Variants in PDE10A observed in about 807,000 individuals in gnomAD.
The protein encoded by PDE10A is cAMP and cAMP-inhibited cGMP 3',5'-cyclic phosphodiesterase 10A.
In PDE10A, 39 loss-of-function variants were observed where a neutral mutation model predicts 97.7. That is an observed-to-expected ratio of 0.40 (90% CI 0.31 to 0.52). The LOEUF (loss-of-function observed/expected upper bound fraction) is 0.52. PDE10A is among the 20% of genes least tolerant of loss of function. The pLI is 0.56. For synonymous variants in PDE10A, 371 were observed against 376.8 expected (o/e 0.98, Z 0.18); for missense variants, 731 against 1,047.8 (o/e 0.70, Z 4.17).
At chr6:165,398,466 C>T (rs1211309562) in intron 13 of PDE10A, among the ~76,000 whole-genome samples, 2 of 139,934 alleles carry the variant, frequency 1.4e-5, no homozygotes, top group Non-Finnish European at 3.0e-5. Flanking sequence ...TCAGCCTGGG[C>T]GATAGAGCAA....
At chr6:165,956,164 T>C (rs996714266) in intron 1 of PDE10A, among the ~76,000 whole-genome samples, 16 of 152,256 alleles carry the variant, frequency 1.1e-4, no homozygotes, top group African/African-American at 3.9e-4. Flanking sequence ...TAGTAGCATC[T>C]TATTTTCAGC....
At chr6:165,501,293 G>T (rs1197943349) in intron 2 of PDE10A, among the ~76,000 whole-genome samples, 2 of 152,196 alleles carry the variant, frequency 1.3e-5, no homozygotes, top group African/African-American at 4.8e-5. Context: ...CAGGCGCAGT[G>T]GCTCACGCCT....
At position 165,621,756 on chromosome 6, in the gene PDE10A, T is replaced by TA. The variant is rs200573248; in HGVS notation, c.865+40190dup. On this transcript the variant is annotated intron_variant, in intron 1 of 21. Transcript: ENST00000539869. The stretch of plus-strand genomic sequence containing the variant: ...TGGGTGACAGAGTGAGACTCTTATC[T>TA]AAAAAAGAAAAAAAAAAGAAGAAGA... 6.0e-3 allele frequency among the ~76,000 whole-genome samples: 685 copies of TA among 114,066 alleles called. 9 individuals carry two copies. Among genetic ancestry groups the TA allele is most frequent in the African/African-American group, 0.026 (658 of 25,474 alleles). The allele number at this position is 114,066 out of a possible 152,430, so 74.8% of individuals were successfully genotyped here. A position where few individuals can be genotyped will look rare whatever the true frequency, so the allele number is the denominator to read the frequency against.
intron 1 of PDE10A, among the ~76,000 whole-genome samples, chr6:165,685,076 T>C (rs1241950722): frequency 6.6e-6 from 1 of 152,200 alleles, no homozygotes; most frequent in Non-Finnish European, 1.5e-5. Context: ...AAAATCGCTA[T>C]GTGATATAAA....
intron 2 of PDE10A, among the ~76,000 whole-genome samples, chr6:165,520,781 A>C (rs572831003): frequency 6.6e-6 from 1 of 152,132 alleles, no homozygotes; most frequent in East Asian, 1.9e-4. Context: ...AATATGACAC[A>C]CCCTTTGTAC....
chr6:165,403,033 A>G (rs1406633495), intron 13 of PDE10A, among the ~76,000 whole-genome samples: 2 of 152,294 alleles, frequency 1.3e-5, no homozygotes, highest in Non-Finnish European at 2.9e-5. Flanking sequence ...AATTGTATAC[A>G]TTTAGGCAAA....
intron 1 of PDE10A, among the ~76,000 whole-genome samples, chr6:165,869,999 G>A (rs1781156564): frequency 6.6e-6 from 1 of 152,086 alleles, no homozygotes; most frequent in African/African-American, 2.4e-5. Flanking sequence ...ACTGCTGGAA[G>A]AAAACATAGA....
intron 1 of PDE10A, among the ~76,000 whole-genome samples, chr6:165,861,785 G>A (rs528574299): frequency 6.6e-6 from 1 of 152,164 alleles, no homozygotes; most frequent in Non-Finnish European, 1.5e-5. Flanking sequence ...GAGGTGACAA[G>A]GATGTGCCAC....
chr6:165,486,251 C>G (rs974871604), intron 2 of PDE10A, among the ~76,000 whole-genome samples: 1 of 152,118 alleles, frequency 6.6e-6, no homozygotes, highest in Non-Finnish European at 1.5e-5. Context: ...TTGTTGCCAA[C>G]GAACACCACA....
intron 1 of PDE10A, among the ~76,000 whole-genome samples, chr6:165,613,521 C>A (rs1053202629): frequency 1.4e-4 from 22 of 152,044 alleles, no homozygotes; most frequent in African/African-American, 5.3e-4. Flanking sequence ...CACCTATAGT[C>A]CCAGCTATTC....
intron 1 of PDE10A, among the ~76,000 whole-genome samples, chr6:165,678,285 C>T (rs940872183): frequency 2.7e-5 from 4 of 147,906 alleles, no homozygotes; most frequent in Non-Finnish European, 6.0e-5. Context: ...GTGTGTGTCT[C>T]TGTGTGTGTG....
intron 1 of PDE10A, among the ~76,000 whole-genome samples, chr6:165,562,181 A>G (rs911047003): frequency 6.6e-6 from 1 of 152,200 alleles, no homozygotes; most frequent in Admixed American, 6.5e-5. Context: ...ATATCTATGT[A>G]TTATTTTAAT....
intron 1 of PDE10A, among the ~76,000 whole-genome samples, chr6:165,625,105 GC>G (rs1788321137): frequency 6.8e-6 from 1 of 146,136 alleles, no homozygotes; most frequent in Non-Finnish European, 1.5e-5. Context: ...CGGCCGAGTG[GC>G]AGAGGAAGCC....
intron 10 of PDE10A, among the ~76,000 whole-genome samples, chr6:165,427,260 T>A (rs1043495641): frequency 7.9e-5 from 12 of 152,252 alleles, no homozygotes; most frequent in African/African-American, 2.2e-4. Flanking sequence ...GGTACGTATA[T>A]CCACAAAATG....
At chr6:165,796,214 G>C (rs1002411770) in intron 1 of PDE10A, among the ~76,000 whole-genome samples, 1 of 146,778 alleles carries the variant, frequency 6.8e-6, no homozygotes, top group African/African-American at 2.5e-5. Context: ...TCCTGCCTCA[G>C]CCTCCCAAGT....
chr6:165,472,218 T>A (rs1779055802), intron 3 of PDE10A, among the ~76,000 whole-genome samples: 1 of 152,150 alleles, frequency 6.6e-6, no homozygotes, highest in Non-Finnish European at 1.5e-5. Flanking sequence ...TTTGATAATT[T>A]GTAATTTCCT....
intron 3 of PDE10A, among the ~76,000 whole-genome samples, chr6:165,452,221 T>C (rs1328759587): frequency 6.6e-6 from 1 of 152,210 alleles, no homozygotes; most frequent in African/African-American, 2.4e-5. Flanking sequence ...GATGGGATAT[T>C]GATGTGGTAG....
intron 1 of PDE10A, among the ~76,000 whole-genome samples, chr6:165,654,789 G>A (rs527944387): frequency 1.3e-5 from 2 of 152,216 alleles, no homozygotes; most frequent in South Asian, 2.1e-4. Context: ...GGCCACGGAC[G>A]ACCTCCTGGC....
intron 3 of PDE10A, among the ~76,000 whole-genome samples, chr6:165,460,247 A>G (rs1778241211): frequency 6.6e-6 from 1 of 152,236 alleles, no homozygotes; most frequent in Admixed American, 6.5e-5. Context: ...ACTTTTAGGA[A>G]AGTCTAGTTT....
Sources: allele counts gnomAD v4.1 joint callset (sites outside exome capture counted in the v4.1 genomes callset), GRCh38; gene constraint gnomAD v4.1.1; transcripts MANE v1.5; gene names NCBI Gene and HGNC (gene_info 2026-07-23, HGNC 2026-07-21).